DHRSX: variants seen among roughly 807,000 people sequenced by gnomAD.
The protein encoded by DHRSX is polyprenol dehydrogenase.
A neutral mutation model predicts 34.0 loss-of-function variants in DHRSX; 31 were observed. The ratio of observed to expected loss-of-function variants is 0.91; its 90% CI spans 0.69 to 1.23. The LOEUF is 1.23. Ranked by LOEUF, DHRSX falls within the 50% of genes most tolerant of loss-of-function variation. The pLI, the probability that DHRSX is intolerant of heterozygous loss-of-function variation, is 0.00. For missense variants in DHRSX, 414 were observed against 428.1 expected, an observed-to-expected ratio of 0.97 and a Z score of 0.29; for synonymous variants, 201 against 183.8, an observed-to-expected ratio of 1.09 and a Z score of -0.76.
At chrX:2,392,006 G>C (rs948040048) in intron 3 of DHRSX, among the ~76,000 whole-genome samples, 1 of 152,184 alleles carries the variant, frequency 6.6e-6, no homozygotes, top group African/African-American at 2.4e-5. Flanking sequence ...CGATCCATGG[G>C]GATGAGTCAG....
rs753106790 is a variant in DHRSX at position 2,243,484 on chromosome X, T to A, written c.597-254A>T. The stretch of plus-strand genomic sequence containing the variant: ...TTAAATTATGTTACTAATTTTTTAT[T>A]TATTTATTTATTTATTTTGGAGACA... On this transcript the variant is annotated intron_variant, in intron 5 of 6. Transcript: ENST00000334651. 2.6e-5 allele frequency among the ~76,000 whole-genome samples: 4 copies of A among 152,146 alleles called. No homozygotes were observed. In the East Asian group the frequency reaches 7.7e-4, roughly 29 times the overall value.
At chrX:2,383,380 A>G (rs1264311608) in intron 3 of DHRSX, among the ~76,000 whole-genome samples, 1 of 151,904 alleles carries the variant, frequency 6.6e-6, no homozygotes, top group Non-Finnish European at 1.5e-5. Flanking sequence ...CATCACCATC[A>G]TCACCATCGT....
intron 1 of DHRSX, among the ~76,000 whole-genome samples, chrX:2,454,691 C>G (rs979914571): frequency 6.6e-6 from 1 of 152,110 alleles, no homozygotes; most frequent in African/African-American, 2.4e-5. Flanking sequence ...AAGGCCAACA[C>G]CATTCTAATA....
intron 5 of DHRSX, among the ~76,000 whole-genome samples, chrX:2,265,821 G>C (rs1431391377): frequency 7.0e-6 from 1 of 142,564 alleles, no homozygotes; most frequent in African/African-American, 2.7e-5. Flanking sequence ...AGGGAGCACT[G>C]TCCTCAGAGC....
intron 3 of DHRSX, among the ~76,000 whole-genome samples, chrX:2,348,779 C>T (rs771400121): frequency 5.3e-5 from 8 of 151,902 alleles, no homozygotes; most frequent in African/African-American, 1.2e-4. Flanking sequence ...CGGCAACCTC[C>T]GCCTCCCAGG....
chrX:2,433,288 C>A (rs2043950535), intron 1 of DHRSX, among the ~76,000 whole-genome samples: 1 of 152,002 alleles, frequency 6.6e-6, no homozygotes, highest in Non-Finnish European at 1.5e-5. Flanking sequence ...AAGAAAAGGG[C>A]AAAAATAAGA....
chrX:2,334,802 A>G (rs1252029257), intron 3 of DHRSX: 1 of 152,134 alleles, frequency 6.6e-6, no homozygotes, highest in East Asian at 1.9e-4. Flanking sequence ...TCTATCCATC[A>G]CTATTTAATT....
At chrX:2,360,380 C>A (rs1444992619) in intron 3 of DHRSX, among the ~76,000 whole-genome samples, 1 of 152,090 alleles carries the variant, frequency 6.6e-6, no homozygotes, top group Non-Finnish European at 1.5e-5. Flanking sequence ...GGCAGGAGTT[C>A]AAGACCAGCC....
intron 1 of DHRSX, among the ~76,000 whole-genome samples, chrX:2,457,868 T>G (rs1051552776): frequency 2.0e-5 from 3 of 151,434 alleles, no homozygotes; most frequent in African/African-American, 7.3e-5. Flanking sequence ...CTGAAGACGT[T>G]CCCTAAGAAA....
At chrX:2,292,611 GA>G (rs1216928712) in intron 3 of DHRSX, among the ~76,000 whole-genome samples, 7 of 151,126 alleles carry the variant, frequency 4.6e-5, no homozygotes, top group Non-Finnish European at 1.0e-4. Context: ...AATCAAACAG[GA>G]AGCAATTTAT....
intron 5 of DHRSX, among the ~76,000 whole-genome samples, chrX:2,248,628 A>AG (rs1556433589): frequency 0.072 from 7,475 of 103,914 alleles, 561 homozygotes; most frequent in Middle Eastern, 0.15. Flanking sequence ...AAAAAAAAAG[A>AG]AAAAGAAAAG....
intron 3 of DHRSX, among the ~76,000 whole-genome samples, chrX:2,313,076 C>T (rs145219912): frequency 0.098 from 14,842 of 151,158 alleles, 2,423 homozygotes; most frequent in African/African-American, 0.34. Context: ...GATCTTGGCT[C>T]GCTGCAACCT....
At chrX:2,234,871 GA>G (rs1175759732) in intron 6 of DHRSX, among the ~76,000 whole-genome samples, 1 of 152,026 alleles carries the variant, frequency 6.6e-6, no homozygotes, top group Admixed American at 6.6e-5. Flanking sequence ...CCACCATGCT[GA>G]GCTAATTTTT....
chrX:2,421,432 A>G (rs2043778242), intron 2 of DHRSX, among the ~76,000 whole-genome samples: 1 of 152,198 alleles, frequency 6.6e-6, no homozygotes, highest in Non-Finnish European at 1.5e-5. Context: ...CAAGTTTTGC[A>G]TTCATGTTTT....
chrX:2,434,066 C>A (rs1354440242), intron 1 of DHRSX, among the ~76,000 whole-genome samples: 1 of 152,200 alleles, frequency 6.6e-6, no homozygotes, highest in Non-Finnish European at 1.5e-5. Flanking sequence ...GCGTGAGCCA[C>A]CGCGCCCGGT....
At chrX:2,430,566 C>T (rs1265136684) in intron 1 of DHRSX, among the ~76,000 whole-genome samples, 1 of 152,150 alleles carries the variant, frequency 6.6e-6, no homozygotes, top group Non-Finnish European at 1.5e-5. Flanking sequence ...TACCCAATTC[C>T]TCGCCGTCTC....
chrX:2,423,901 C>A (rs6567718), intron 2 of DHRSX, among the ~76,000 whole-genome samples: 1 of 151,904 alleles, frequency 6.6e-6, no homozygotes, highest in Non-Finnish European at 1.5e-5. Context: ...GAAATCAAAC[C>A]GTGAGTGTCT....
At chrX:2,245,061 C>CCTG (rs1569479024) in intron 5 of DHRSX, among the ~76,000 whole-genome samples, 1 of 152,042 alleles carries the variant, frequency 6.6e-6, no homozygotes, top group Non-Finnish European at 1.5e-5. Flanking sequence ...AAGCTGTGAA[C>CCTG]AGAAAATATC....
intron 3 of DHRSX, among the ~76,000 whole-genome samples, chrX:2,297,402 C>T (rs1485940425): frequency 6.6e-6 from 1 of 152,114 alleles, no homozygotes; most frequent in Non-Finnish European, 1.5e-5. Flanking sequence ...GGATTACCGT[C>T]GTGAGCCACC....
Sources: allele counts gnomAD v4.1 joint callset (sites outside exome capture counted in the v4.1 genomes callset), GRCh38; gene constraint gnomAD v4.1.1; transcripts MANE v1.5; gene names NCBI Gene and HGNC (gene_info 2026-07-23, HGNC 2026-07-21).